Variants in AUTS2 observed in about 807,000 individuals in gnomAD.
AUTS2 encodes the protein activator of transcription and developmental regulator AUTS2.
Under a neutral mutation model 112.4 loss-of-function variants are expected in AUTS2, and 17 were observed. That is an observed-to-expected ratio of 0.15 (90% CI 0.10 to 0.23). The LOEUF is 0.23. Ranked by LOEUF, AUTS2 falls within the 10% of genes least tolerant of loss-of-function variation. The pLI, the probability that AUTS2 is intolerant of heterozygous loss-of-function variation, is 1.00. For synonymous variants in AUTS2, 751 were observed against 702.7 expected (o/e 1.07, Z -1.09); for missense variants, 1,510 against 1,701.6 (o/e 0.89, Z 1.98).
At chr7:70,017,829 A>G (rs1016290711) in intron 2 of AUTS2, among the ~76,000 whole-genome samples, 2 of 148,156 alleles carry the variant, frequency 1.3e-5, no homozygotes, top group African/African-American at 4.9e-5. Context: ...AAATATATTT[A>G]TATTTATAGA....
intron 1 of AUTS2, among the ~76,000 whole-genome samples, chr7:69,794,173 A>G (rs1207477995): frequency 6.6e-6 from 1 of 152,174 alleles, no homozygotes; most frequent in Admixed American, 6.5e-5. Flanking sequence ...AAGTACTAGT[A>G]AGCCAGCAGG....
chr7:70,116,193 A>G lies in AUTS2; in HGVS notation c.523-1939A>G, dbSNP rs565234713. ...GAGAAAACTAAGTACTTAAGAGCTC[A>G]GGAAGGATACAAAGTAAAATTAGCA... is the stretch of plus-strand genomic sequence containing the variant. On this transcript the variant is annotated intron_variant, in intron 2 of 18. Transcript: ENST00000342771. Among the ~76,000 whole-genome samples the G allele has an allele frequency of 1.4e-4, 22 of 152,352 alleles. No individual in the cohort carries two copies. The South Asian group carries it at 4.6e-3, about 32-fold the overall frequency.
At chr7:70,086,384 G>A (rs1002661191) in intron 2 of AUTS2, among the ~76,000 whole-genome samples, 42 of 152,196 alleles carry the variant, frequency 2.8e-4, no homozygotes, top group Admixed American at 2.2e-3. Context: ...GCTCACGCCT[G>A]TAATCCTAGC....
chr7:70,251,099 C>G (rs1158925013), intron 4 of AUTS2, among the ~76,000 whole-genome samples: 1 of 151,854 alleles, frequency 6.6e-6, no homozygotes, highest in Non-Finnish European at 1.5e-5. Flanking sequence ...GAGTCTCACT[C>G]TGTCGCTTGG....
At chr7:70,460,557 G>T (rs1274999618) in intron 5 of AUTS2, among the ~76,000 whole-genome samples, 1 of 151,796 alleles carries the variant, frequency 6.6e-6, no homozygotes, top group Non-Finnish European at 1.5e-5. Context: ...CACCATGTTG[G>T]CCAGGCTGGT....
At chr7:70,549,302 C>T (rs1327282957) in intron 5 of AUTS2, among the ~76,000 whole-genome samples, 5 of 152,112 alleles carry the variant, frequency 3.3e-5, no homozygotes, top group Admixed American at 2.6e-4. Flanking sequence ...AGGATCATGG[C>T]ATCTTGGAAT....
At chr7:70,268,607 T>C (rs1787546365) in intron 4 of AUTS2, among the ~76,000 whole-genome samples, 1 of 152,204 alleles carries the variant, frequency 6.6e-6, no homozygotes, top group African/African-American at 2.4e-5. Flanking sequence ...ATCATCCATC[T>C]GAACAAAAAA....
chr7:70,229,102 G>A (rs766057928), intron 4 of AUTS2, among the ~76,000 whole-genome samples: 30 of 151,514 alleles, frequency 2.0e-4, no homozygotes, highest in Non-Finnish European at 4.0e-4. Context: ...TTTTTAAATC[G>A]TTAGAGACAA....
At chr7:69,608,002 A>T (rs1337000968) in intron 1 of AUTS2, among the ~76,000 whole-genome samples, 3 of 151,976 alleles carry the variant, frequency 2.0e-5, no homozygotes, top group African/African-American at 7.3e-5. Context: ...TGGTATGCTC[A>T]TGGCTCACTG....
intron 5 of AUTS2, among the ~76,000 whole-genome samples, chr7:70,675,231 G>A (rs371029934): frequency 1.3e-5 from 2 of 152,208 alleles, no homozygotes; most frequent in Admixed American, 1.3e-4. Flanking sequence ...AGTGGCTCAC[G>A]CCTGTAATCC....
chr7:70,618,598 G>T (rs1804502771), intron 5 of AUTS2, among the ~76,000 whole-genome samples: 1 of 152,160 alleles, frequency 6.6e-6, no homozygotes, highest in South Asian at 2.1e-4. Context: ...TTTGTGCCAG[G>T]GGTCTTGTTC....
chr7:69,777,815 G>A (rs1401451971), intron 1 of AUTS2, among the ~76,000 whole-genome samples: 1 of 152,122 alleles, frequency 6.6e-6, no homozygotes, highest in African/African-American at 2.4e-5. Context: ...GGTATGGGGA[G>A]AGCTGAACAA....
chr7:70,356,874 G>A (rs1373664644), intron 4 of AUTS2, among the ~76,000 whole-genome samples: 3 of 152,136 alleles, frequency 2.0e-5, no homozygotes, highest in African/African-American at 4.8e-5. Context: ...AAAAATTTGT[G>A]TAGGAAAATT....
chr7:69,768,045 T>C (rs1463544877), intron 1 of AUTS2, among the ~76,000 whole-genome samples: 1 of 152,214 alleles, frequency 6.6e-6, no homozygotes, highest in Non-Finnish European at 1.5e-5. Context: ...GTGCTATTTT[T>C]TAGTCCTATC....
At chr7:70,118,055 C>T (rs946443092) in intron 2 of AUTS2, 77 bp from the exon 3 acceptor site, 52 of 1,490,924 alleles carry the variant, frequency 3.5e-5, no homozygotes, top group Non-Finnish European at 4.4e-5. Flanking sequence ...GCTGTTCACT[C>T]TTGACAAGGA....
intron 2 of AUTS2, among the ~76,000 whole-genome samples, chr7:69,951,261 C>T (rs920421668): frequency 1.3e-5 from 2 of 151,980 alleles, no homozygotes; most frequent in South Asian, 2.1e-4. Context: ...TCTCAACCTC[C>T]TTCCAACCAC....
intron 5 of AUTS2, among the ~76,000 whole-genome samples, chr7:70,460,300 G>A (rs1173376799): frequency 1.4e-5 from 2 of 147,500 alleles, no homozygotes; most frequent in East Asian, 2.1e-4. Context: ...TCCCCAGCCC[G>A]AGAAGGAGGC....
At chr7:69,871,957 A>G (rs529856478) in intron 1 of AUTS2, among the ~76,000 whole-genome samples, 5 of 152,276 alleles carry the variant, frequency 3.3e-5, no homozygotes, top group Admixed American at 6.5e-5. Context: ...CTGGAGTTCT[A>G]TGTTACTGGG....
At chr7:70,332,576 C>T (rs181879001) in intron 4 of AUTS2, among the ~76,000 whole-genome samples, 210 of 152,276 alleles carry the variant, frequency 1.4e-3, no homozygotes, top group African/African-American at 4.9e-3. Context: ...TACAAGGCTA[C>T]AGTAACCACA....
Sources: allele counts gnomAD v4.1 joint callset (sites outside exome capture counted in the v4.1 genomes callset), GRCh38; gene constraint gnomAD v4.1.1; transcripts MANE v1.5; gene names NCBI Gene and HGNC (gene_info 2026-07-23, HGNC 2026-07-21).